Variants in PIGL observed in about 807,000 individuals in gnomAD.
PIGL encodes N-acetylglucosaminyl-phosphatidylinositol de-N-acetylase.
PIGL carries 22 observed loss-of-function variants against 31.1 expected under a neutral mutation model. That is an observed-to-expected ratio of 0.71 (90% confidence interval 0.51 to 1.01). PIGL has a LOEUF of 1.01. Among genes scored for constraint, PIGL ranks in the 50% least tolerant of loss-of-function variants. PIGL has a pLI of 0.00. For synonymous variants in PIGL, 131 were observed against 117.4 expected (o/e 1.12, Z -0.75); for missense variants, 302 against 315.9 (o/e 0.96, Z 0.33).
At chr17:16,260,030 G>T (rs1214522170) in intron 2 of PIGL, among the ~76,000 whole-genome samples, 1 of 152,212 alleles carries the variant, frequency 6.6e-6, no homozygotes, top group African/African-American at 2.4e-5. Flanking sequence ...CACAGTGCAC[G>T]CATGCTCAGG....
At chr17:16,220,039 A>G (rs1434713262) in intron 1 of PIGL, among the ~76,000 whole-genome samples, 1 of 152,022 alleles carries the variant, frequency 6.6e-6, no homozygotes, top group Non-Finnish European at 1.5e-5. Context: ...TGGGACCAGA[A>G]TTGAAAATTT....
intron 2 of PIGL, among the ~76,000 whole-genome samples, chr17:16,254,899 G>GTTTTTTA (rs1363410444): frequency 2.0e-5 from 3 of 152,310 alleles, no homozygotes; most frequent in Non-Finnish European, 4.4e-5. Context: ...ACCATGCCTG[G>GTTTTTTA]CCCATATACA....
At chr17:16,223,142 A>C (rs1319381804) in intron 1 of PIGL, among the ~76,000 whole-genome samples, 1 of 152,182 alleles carries the variant, frequency 6.6e-6, no homozygotes, top group Non-Finnish European at 1.5e-5. Flanking sequence ...CATTGCTGTA[A>C]AAAATTTTGA....
At chr17:16,225,366 TA>T (rs61273225) in intron 1 of PIGL, among the ~76,000 whole-genome samples, 11 of 151,534 alleles carry the variant, frequency 7.3e-5, no homozygotes, top group African/African-American at 2.4e-4. Flanking sequence ...GTGATTTTTT[TA>T]AATGTAAGCA....
intron 2 of PIGL, among the ~76,000 whole-genome samples, chr17:16,295,096 C>T (rs893627733): frequency 2.6e-5 from 4 of 152,104 alleles, no homozygotes; most frequent in East Asian, 1.9e-4. Flanking sequence ...ATCCGTCCAT[C>T]GGGGGACTTA....
chr17:16,288,181 TTTCC>T (rs374151719), intron 2 of PIGL, among the ~76,000 whole-genome samples: 3,024 of 152,254 alleles, frequency 0.02, 34 homozygotes, highest in Non-Finnish European at 0.029. Flanking sequence ...ACCTGTTTTC[TTTCC>T]TTCCTTCCTT....
At chr17:16,263,677 C>T (rs1429332257) in intron 2 of PIGL, among the ~76,000 whole-genome samples, 1 of 151,330 alleles carries the variant, frequency 6.6e-6, no homozygotes, top group Non-Finnish European at 1.5e-5. Context: ...TGTGCACCAC[C>T]ACGCCCAGCT....
chr17:16,243,459 A>G (rs1398696125), intron 2 of PIGL, among the ~76,000 whole-genome samples: 1 of 152,208 alleles, frequency 6.6e-6, no homozygotes, highest in Non-Finnish European at 1.5e-5. Context: ...GATGAAGGAA[A>G]AAGTTTAGAT....
chr17:16,311,999 G>A (rs1429908440), intron 3 of PIGL, among the ~76,000 whole-genome samples: 3 of 151,554 alleles, frequency 2.0e-5, no homozygotes, highest in Non-Finnish European at 3.0e-5. Context: ...GGTGGTGGCC[G>A]GGCAGAGGGG....
At chr17:16,243,773 TG>T (rs1161711156) in intron 2 of PIGL, among the ~76,000 whole-genome samples, 1 of 152,202 alleles carries the variant, frequency 6.6e-6, no homozygotes, top group Non-Finnish European at 1.5e-5. Context: ...ACATTAATAT[TG>T]TAACCGCCCA....
At chr17:16,283,182 T>C (rs1371940980) in intron 2 of PIGL, among the ~76,000 whole-genome samples, 1 of 151,904 alleles carries the variant, frequency 6.6e-6, no homozygotes, top group Non-Finnish European at 1.5e-5. Flanking sequence ...TTTGTATTTT[T>C]AGTAGAGGTG....
At chr17:16,261,466 C>A (rs1385202824) in intron 2 of PIGL, among the ~76,000 whole-genome samples, 1 of 152,112 alleles carries the variant, frequency 6.6e-6, no homozygotes, top group Non-Finnish European at 1.5e-5. Flanking sequence ...AGGACACTAT[C>A]AAGAGTGAAA....
chr17:16,299,409 A>C (rs545596441), intron 2 of PIGL, among the ~76,000 whole-genome samples: 1 of 152,146 alleles, frequency 6.6e-6, no homozygotes, highest in African/African-American at 2.4e-5. Context: ...TCACCATTGC[A>C]CTCCAGCCTG....
chr17:16,320,004 A>C (rs2093096232), intron 6 of PIGL, among the ~76,000 whole-genome samples: 1 of 151,140 alleles, frequency 6.6e-6, no homozygotes, highest in African/African-American at 2.4e-5. Flanking sequence ...GAAAGAACCA[A>C]GTCGGGGATT....
Position 16,217,387 on chromosome 17 carries a change from CCATGTTTTTTGCT to C in PIGL, c.163_175del (p.Met55ProfsTer4). ...GTCATAGCGCACCCTGACGATGAAG[CCATGTTTTTTGCT>C]CCCACAGTGCTAGGCTTGGCCCGCC... On this transcript the variant is annotated frameshift_variant, in exon 1 of 7. Transcript: ENST00000225609. LOFTEE classifies it high-confidence loss of function. The C allele has an allele frequency of 1.2e-6, 2 of 1,614,180 alleles. No homozygotes were observed. Among genetic ancestry groups the C allele is most frequent in the Non-Finnish European group, 1.7e-6 (2 of 1,180,040 alleles).
At chr17:16,275,790 A>G (rs975810358) in intron 2 of PIGL, among the ~76,000 whole-genome samples, 10 of 152,124 alleles carry the variant, frequency 6.6e-5, no homozygotes, top group Non-Finnish European at 1.2e-4. Flanking sequence ...TTGGGAGGCC[A>G]AGGCAGGCAG....
At chr17:16,283,302 CA>C (rs2092924271) in intron 2 of PIGL, among the ~76,000 whole-genome samples, 1 of 152,012 alleles carries the variant, frequency 6.6e-6, no homozygotes, top group Non-Finnish European at 1.5e-5. Flanking sequence ...TGTGCCTGGC[CA>C]AAACAATTGT....
intron 1 of PIGL, among the ~76,000 whole-genome samples, chr17:16,218,370 G>C (rs959962929): frequency 6.6e-6 from 1 of 151,980 alleles, no homozygotes; most frequent in South Asian, 2.1e-4. Flanking sequence ...TATGTGCTAG[G>C]CCTTATTCTA....
chr17:16,239,849 C>G (rs571917852), intron 2 of PIGL, among the ~76,000 whole-genome samples: 1 of 152,084 alleles, frequency 6.6e-6, no homozygotes, highest in South Asian at 2.1e-4. Flanking sequence ...GGCAGTGGTG[C>G]AATCTTAGCT....
Sources: gnomAD v4.1 joint callset for allele counts (sites outside exome capture counted in the v4.1 genomes callset) on GRCh38, gnomAD v4.1.1 for gene constraint, MANE v1.5 for transcripts, NCBI Gene and HGNC (gene_info 2026-07-23, HGNC 2026-07-21) for gene names.